The following ASTN2 variants were observed in gnomAD, a reference collection of about 807,000 sequenced individuals.
The protein encoded by ASTN2 is astrotactin 2.
Under a neutral mutation model 139.8 loss-of-function variants are expected in ASTN2, and 54 were observed. The ratio of observed to expected loss-of-function variants is 0.39; its 90% CI spans 0.31 to 0.48. The LOEUF (loss-of-function observed/expected upper bound fraction) is 0.48, where lower values mean the gene tolerates loss of function less well. Ranked by LOEUF, ASTN2 falls within the 20% of genes least tolerant of loss-of-function variation. ASTN2 has a pLI of 0.95. For synonymous variants in ASTN2, 756 were observed against 719.5 expected (o/e 1.05, Z -0.81); for missense variants, 1,565 against 1,725.1 (o/e 0.91, Z 1.64).
intron 1 of ASTN2, among the ~76,000 whole-genome samples, chr9:117,321,542 G>A (rs920597381): frequency 2.6e-5 from 4 of 152,278 alleles, no homozygotes; most frequent in Admixed American, 2.0e-4. Context: ...TCAGAGGAAT[G>A]GAATCAAGTT....
At chr9:117,380,254 G>A (rs968941493) in intron 1 of ASTN2, among the ~76,000 whole-genome samples, 8 of 152,066 alleles carry the variant, frequency 5.3e-5, no homozygotes, top group Non-Finnish European at 1.0e-4. Context: ...AAAAACAAAC[G>A]TATAACTCAC....
intron 10 of ASTN2, among the ~76,000 whole-genome samples, chr9:116,974,728 C>T (rs548508628): frequency 8.5e-5 from 13 of 152,122 alleles, no homozygotes; most frequent in African/African-American, 3.1e-4. Flanking sequence ...AGGCTGGTCT[C>T]GAACTCCTGA....
intron 1 of ASTN2, among the ~76,000 whole-genome samples, chr9:117,354,050 T>C (rs568876732): frequency 6.6e-6 from 1 of 152,180 alleles, no homozygotes; most frequent in Non-Finnish European, 1.5e-5. Context: ...TGGGTGACAA[T>C]GATGTGTCTA....
intron 5 of ASTN2, among the ~76,000 whole-genome samples, chr9:117,053,228 G>T (rs1329637774): frequency 6.6e-6 from 1 of 152,138 alleles, no homozygotes; most frequent in Admixed American, 6.5e-5. Flanking sequence ...GAGGCAGGAA[G>T]ATTGTTAGAG....
intron 16 of ASTN2, among the ~76,000 whole-genome samples, chr9:116,665,964 A>G (rs1466370368): frequency 6.6e-6 from 1 of 152,222 alleles, no homozygotes; most frequent in East Asian, 1.9e-4. Context: ...ATGAAGTATC[A>G]GCCATGCTTT....
At chr9:117,081,363 C>G (rs912941976) in intron 5 of ASTN2, among the ~76,000 whole-genome samples, 1 of 152,026 alleles carries the variant, frequency 6.6e-6, no homozygotes, top group African/African-American at 2.4e-5. Flanking sequence ...AACATACCCT[C>G]AGCCCCTTCA....
chr9:117,259,048 T>G (rs1314979626), intron 2 of ASTN2, among the ~76,000 whole-genome samples: 2 of 152,172 alleles, frequency 1.3e-5, no homozygotes, highest in Admixed American at 1.3e-4. Flanking sequence ...CTTTCACAGA[T>G]ATTATTGTGG....
At chr9:116,428,383 G>T (rs1465218283) in intron 22 of ASTN2, among the ~76,000 whole-genome samples, 1 of 152,124 alleles carries the variant, frequency 6.6e-6, no homozygotes, top group Non-Finnish European at 1.5e-5. Flanking sequence ...ATTTAGCTGG[G>T]CGTGGTGGTG....
intron 13 of ASTN2, among the ~76,000 whole-genome samples, chr9:116,790,322 G>T (rs1830496626): frequency 6.6e-6 from 1 of 152,072 alleles, no homozygotes; most frequent in African/African-American, 2.4e-5. Flanking sequence ...GAAAACTGAG[G>T]CTTAGAAAGG....
At chr9:117,327,691 G>T (rs771938117) in intron 1 of ASTN2, among the ~76,000 whole-genome samples, 41 of 152,142 alleles carry the variant, frequency 2.7e-4, no homozygotes, top group Admixed American at 6.5e-5. Flanking sequence ...TGAAGAAACC[G>T]ATGCAGAAGT....
chr9:117,115,213 T>G (rs376357052), intron 4 of ASTN2, among the ~76,000 whole-genome samples: 81 of 152,276 alleles, frequency 5.3e-4, no homozygotes, highest in African/African-American at 1.9e-3. Context: ...ATCTCTAAAA[T>G]GGGAATATAT....
chr9:117,311,175 G>C (rs557608499), intron 1 of ASTN2, among the ~76,000 whole-genome samples: 4 of 149,356 alleles, frequency 2.7e-5, no homozygotes, highest in African/African-American at 9.9e-5. Flanking sequence ...CATATAAAGT[G>C]CTTAGTACTG....
At chr9:116,607,963 A>G (rs1322866686) in intron 19 of ASTN2, among the ~76,000 whole-genome samples, 1 of 152,016 alleles carries the variant, frequency 6.6e-6, no homozygotes, top group African/African-American at 2.4e-5. Context: ...TCCGTCTCAA[A>G]CAAACAAACA....
chr9:116,580,860 A>T lies in ASTN2; in HGVS notation c.3355+37464T>A, dbSNP rs1486125369. On this transcript the variant is annotated intron_variant, in intron 19 of 22. Transcript: ENST00000313400. ...TAGTCTGAACCCTGGAAAAAGAGAG[A>T]AATAATAGAAAACAAGAGCTATGTA... Among the ~76,000 whole-genome samples the T allele has an allele frequency of 2.6e-5, 4 of 152,142 alleles. No individual in the cohort carries two copies. The East Asian group carries it at 7.7e-4, about 29-fold the overall frequency.
intron 19 of ASTN2, among the ~76,000 whole-genome samples, chr9:116,526,674 T>C (rs950588158): frequency 6.6e-6 from 1 of 150,790 alleles, no homozygotes; most frequent in African/African-American, 2.4e-5. Context: ...GTTTCAGAAA[T>C]ACTGCGAAAG....
At chr9:117,404,859 AAAG>A (rs1362396731) in intron 1 of ASTN2, among the ~76,000 whole-genome samples, 1 of 152,158 alleles carries the variant, frequency 6.6e-6, no homozygotes, top group Non-Finnish European at 1.5e-5. Context: ...GGGGGAAAAA[AAAG>A]AAGGAAAGGG....
At chr9:116,933,990 T>TTTTTTTTTTTTTTTTTTTTTTTTTTC (rs1834992444) in intron 10 of ASTN2, among the ~76,000 whole-genome samples, 1 of 140,674 alleles carries the variant, frequency 7.1e-6, no homozygotes, top group Non-Finnish European at 1.5e-5. Flanking sequence ...TTTTTTTTTT[T>TTTTTTTTTTTTTTTTTTTTTTTTTTC]TTTTTTTTTT....
intron 11 of ASTN2, among the ~76,000 whole-genome samples, chr9:116,843,615 T>C (rs1443300118): frequency 6.7e-6 from 1 of 148,312 alleles, no homozygotes; most frequent in Non-Finnish European, 1.5e-5. Context: ...GCCAAGATCG[T>C]ACCATTGCAT....
Position 117,180,594 on chromosome 9 carries a change from C to T in ASTN2, c.1015+33764G>A, listed in dbSNP as rs139901106. The T allele has an allele frequency of 4.8e-4, 475 of 999,236 alleles. No individual in the cohort carries two copies. In the African/African-American group the frequency reaches 5.9e-3, roughly 12 times the overall value. The allele number at this position is 999,236 out of a possible 1,614,324, so 61.9% of individuals were successfully genotyped here. A position where few individuals can be genotyped will look rare whatever the true frequency, so the allele number is the denominator to read the frequency against. ...CATTTATTGACTGCTTACTATGCAC[C>T]GAGCACCATTCTAAACAACTGATCT... On this transcript the variant is annotated intron_variant, in intron 3 of 22. Transcript: ENST00000313400.
Sources: allele counts gnomAD v4.1 joint callset (sites outside exome capture counted in the v4.1 genomes callset), GRCh38; gene constraint gnomAD v4.1.1; transcripts MANE v1.5; gene names NCBI Gene and HGNC (gene_info 2026-07-23, HGNC 2026-07-21).